Variants in CHRM2 observed in about 807,000 individuals in gnomAD.
The protein encoded by CHRM2 is muscarinic acetylcholine receptor M2.
Under a neutral mutation model 25.0 loss-of-function variants are expected in CHRM2, and 8 were observed. That is an observed-to-expected ratio of 0.32 (90% confidence interval 0.19 to 0.58). CHRM2 has a LOEUF of 0.58. Ranked by LOEUF, CHRM2 falls within the 20% of genes least tolerant of loss-of-function variation. The pLI, the probability that CHRM2 is intolerant of heterozygous loss-of-function variation, is 0.88. For synonymous variants in CHRM2, 202 were observed against 205.7 expected (o/e 0.98, Z 0.15); for missense variants, 440 against 567.1 (o/e 0.78, Z 2.28).
intron 2 of CHRM2, among the ~76,000 whole-genome samples, chr7:136,952,993 T>C (rs948427304): frequency 2.6e-5 from 4 of 152,194 alleles, no homozygotes; most frequent in African/African-American, 9.6e-5. Flanking sequence ...GGCATTTAGG[T>C]TGATTCCATG....
intron 2 of CHRM2, among the ~76,000 whole-genome samples, chr7:136,971,612 G>C (rs1584852502): frequency 2.2e-5 from 2 of 91,100 alleles, no homozygotes; most frequent in Admixed American, 2.9e-4. Context: ...GTAAGACTCT[G>C]TTTCACAAAA....
At chr7:136,989,857 A>C (rs1450997804) in intron 2 of CHRM2, among the ~76,000 whole-genome samples, 1 of 152,110 alleles carries the variant, frequency 6.6e-6, no homozygotes, top group Non-Finnish European at 1.5e-5. Flanking sequence ...ATCCCCATCC[A>C]CTATAGCATG....
At position 136,921,912 on chromosome 7, in the gene CHRM2, A is replaced by G. The variant is rs554937928; in HGVS notation, c.-125+52494A>G. The stretch of plus-strand genomic sequence containing the variant: ...CTCAGCCTCCCGAGTAGCTGGGATT[A>G]CAGGTGCGCATGCCTGGCTAATTTT... On this transcript the variant is annotated intron_variant, in intron 2 of 3. Coordinates refer to ENST00000680005, the MANE Select transcript of CHRM2 (RefSeq NM_001006630.2). Among the ~76,000 whole-genome samples, 290 of 151,922 alleles carry G rather than the reference A, an allele frequency of 1.9e-3. 3 individuals are homozygous for G. The highest frequency in any genetic ancestry group is 6.7e-3 in the African/African-American group (277 of 41,454).
At chr7:136,938,915 C>CAAAAAAAAAAAAAAAA (rs56868385) in intron 2 of CHRM2, among the ~76,000 whole-genome samples, 5 of 66,952 alleles carry the variant, frequency 7.5e-5, no homozygotes, top group Admixed American at 1.9e-4. Context: ...CTAGCTCTGC[C>CAAAAAAAAAAAAAAAA]AAAAAAAAAA....
intron 2 of CHRM2, among the ~76,000 whole-genome samples, chr7:136,900,545 T>C (rs999097520): frequency 6.6e-6 from 1 of 151,884 alleles, no homozygotes; most frequent in African/African-American, 2.4e-5. Flanking sequence ...CGAGGAGCCA[T>C]CTAGGAAGGA....
chr7:136,965,783 A>T (rs1440586987), intron 2 of CHRM2, among the ~76,000 whole-genome samples: 2 of 152,062 alleles, frequency 1.3e-5, no homozygotes. Flanking sequence ...AGAGATACAC[A>T]TAAAAATCAA....
At chr7:136,918,123 C>T (rs1412819779) in intron 2 of CHRM2, among the ~76,000 whole-genome samples, 2 of 152,048 alleles carry the variant, frequency 1.3e-5, no homozygotes, top group African/African-American at 2.4e-5. Flanking sequence ...TGGAATATAA[C>T]GCCTTGTCTT....
At chr7:137,003,119 C>T (rs151276618) in intron 3 of CHRM2, among the ~76,000 whole-genome samples, 2,439 of 152,144 alleles carry the variant, frequency 0.016, 75 homozygotes, top group African/African-American at 0.055. Flanking sequence ...TAACTGGGTA[C>T]GAAGTTATGG....
intron 2 of CHRM2, among the ~76,000 whole-genome samples, chr7:136,985,521 A>AC (rs1198842606): frequency 6.6e-5 from 10 of 151,512 alleles, no homozygotes; most frequent in Non-Finnish European, 1.5e-4. Flanking sequence ...AAAAAAAAAA[A>AC]AAAAAAACAA....
chr7:137,010,146 T>C (rs1804707217), intron 3 of CHRM2, among the ~76,000 whole-genome samples: 1 of 152,058 alleles, frequency 6.6e-6, no homozygotes, highest in South Asian at 2.1e-4. Flanking sequence ...AAATTGAGGT[T>C]CACGAAATTT....
intron 2 of CHRM2, among the ~76,000 whole-genome samples, chr7:136,920,357 G>C (rs1798360812): frequency 6.6e-6 from 1 of 152,126 alleles, no homozygotes; most frequent in Non-Finnish European, 1.5e-5. Flanking sequence ...ACCCATGTTT[G>C]CAAGTGACTG....
At chr7:136,914,892 T>G (rs185730914) in intron 2 of CHRM2, among the ~76,000 whole-genome samples, 1 of 152,082 alleles carries the variant, frequency 6.6e-6, no homozygotes. Context: ...AACTCTTAAA[T>G]ACTTTTAGTT....
At chr7:136,902,842 A>G in intron 2 of CHRM2, 1 of 283,356 alleles carries the variant, frequency 3.5e-6, no homozygotes, top group East Asian at 1.2e-4. Context: ...ACAATTTAAT[A>G]TGTTTGTTAT....
At chr7:136,938,471 C>A (rs369282891) in intron 2 of CHRM2, 87 of 1,133,962 alleles carry the variant, frequency 7.7e-5, no homozygotes, top group Non-Finnish European at 1.0e-4. Flanking sequence ...TGGATGCGCA[C>A]GGCCTGGATG....
At chr7:136,923,116 A>C (rs1036779349) in intron 2 of CHRM2, among the ~76,000 whole-genome samples, 1 of 152,182 alleles carries the variant, frequency 6.6e-6, no homozygotes, top group Non-Finnish European at 1.5e-5. Flanking sequence ...GATCATTGTC[A>C]TAAGTCTCAC....
chr7:136,926,560 A>G (rs1456124128), intron 2 of CHRM2, among the ~76,000 whole-genome samples: 1 of 152,218 alleles, frequency 6.6e-6, no homozygotes, highest in African/African-American at 2.4e-5. Context: ...TAAATAAGTT[A>G]AAAAAGGAGT....
intron 2 of CHRM2, among the ~76,000 whole-genome samples, chr7:136,930,131 G>T (rs906722072): frequency 1.2e-4 from 18 of 152,112 alleles, no homozygotes; most frequent in African/African-American, 4.3e-4. Flanking sequence ...TGTATGAGAA[G>T]CACTTAAAAC....
intron 2 of CHRM2, chr7:136,907,938 T>G (rs1445945446): frequency 6.6e-6 from 1 of 151,918 alleles, no homozygotes; most frequent in Non-Finnish European, 1.5e-5. Context: ...AAAGTGATGC[T>G]TCTCCATTCC....
intron 3 of CHRM2, 46 bp downstream of exon 3, chr7:136,992,310 G>T (rs951780330): frequency 6.6e-6 from 1 of 152,120 alleles, no homozygotes; most frequent in East Asian, 1.9e-4. Flanking sequence ...TACATTTATA[G>T]ACAAAACATT....
Sources: gnomAD v4.1 joint callset for allele counts (sites outside exome capture counted in the v4.1 genomes callset) on GRCh38, gnomAD v4.1.1 for gene constraint, MANE v1.5 for transcripts, NCBI Gene and HGNC (gene_info 2026-07-23, HGNC 2026-07-21) for gene names.